The following TRIP4 variants were observed in gnomAD, a reference collection of about 807,000 sequenced individuals.
The protein encoded by TRIP4 is activating signal cointegrator 1.
A neutral mutation model predicts 81.8 loss-of-function variants in TRIP4; 54 were observed. The observed-to-expected ratio is 0.66, with a 90% confidence interval of 0.53 to 0.83. The LOEUF (loss-of-function observed/expected upper bound fraction) is 0.83. TRIP4 is among the 40% of genes least tolerant of loss of function. The probability of loss-of-function intolerance (pLI) is 0.00; values close to 1 mark genes in which losing one functional copy is unlikely to be tolerated. For missense variants in TRIP4, 662 were observed against 683.6 expected (o/e 0.97, Z 0.35); for synonymous variants, 270 against 242.8 (o/e 1.11, Z -1.04).
intron 7 of TRIP4, among the ~76,000 whole-genome samples, chr15:64,413,132 A>G (rs562883419): frequency 6.6e-6 from 1 of 152,260 alleles, no homozygotes; most frequent in South Asian, 2.1e-4. Flanking sequence ...GAATAACTGT[A>G]TAGGTTGTAT....
Position 64,424,069 on chromosome 15 carries a change from G to A in TRIP4, c.1397G>A (p.Arg466Gln), listed in dbSNP as rs1293072235. Residue 466 changes from arginine (R) to glutamine (Q), a missense_variant, in exon 10 of 13, where the codon CGA (arginine) becomes CAA (glutamine). Transcript: ENST00000261884. ...GRSWYTPHRGRLWIAATAKKP... is the reference protein window; with the variant it reads ...GRSWYTPHRGQLWIAATAKKP... ...TCCTGGTACACCCCCCACAGAGGAC[G>A]ACTTTGGATAGCAGCCACAGCTAAA... is the stretch of plus-strand genomic sequence containing the variant. The A allele has an allele frequency of 1.9e-6, 3 of 1,613,954 alleles. No individual in the cohort carries two copies. Among genetic ancestry groups the A allele is most frequent in the African/African-American group, 1.3e-5 (1 of 74,870 alleles).
intron 12 of TRIP4, among the ~76,000 whole-genome samples, chr15:64,451,222 C>T (rs1892750018): frequency 6.6e-6 from 1 of 152,004 alleles, no homozygotes; most frequent in African/African-American, 2.4e-5. Context: ...AAGCAATTCT[C>T]CTGCCTCAGC....
chr15:64,409,906 T>G, intron 7 of TRIP4, 78 bp downstream of exon 7: 2 of 1,273,308 alleles, frequency 1.6e-6, no homozygotes, highest in South Asian at 1.4e-5. Context: ...TAGTGGATCT[T>G]TTATTTTTGT....
rs1891719988 is a variant in TRIP4, at chr15:64,409,817, G to A, written c.1032G>A (p.Glu344=). 6.2e-7 allele frequency: 1 copy of A among 1,614,032 alleles called. No homozygotes were observed. Among genetic ancestry groups the A allele is most frequent in the East Asian group, 2.2e-5 (1 of 44,882 alleles). The change falls in exon 7 of 13, where the codon GAG becomes GAA. Residue 344 remains glutamate (E), a synonymous_variant. Coordinates refer to ENST00000261884, the MANE Select transcript of TRIP4 (RefSeq NM_016213.5). Reference sequence around the variant, plus strand: ...TGGAAGAAGAAAATTCACTAGCAGAGTATCATAGCAGGTAAGTGAGCAGCA... The same window carrying A: ...TGGAAGAAGAAAATTCACTAGCAGAATATCATAGCAGGTAAGTGAGCAGCA... The part of the protein sequence containing the change: ...KILEEENSLA[E]YHSRLDETIQ...
intron 1 of TRIP4, among the ~76,000 whole-genome samples, chr15:64,392,490 T>G (rs1476764701): frequency 5.3e-5 from 8 of 151,612 alleles, no homozygotes; most frequent in Non-Finnish European, 8.8e-5. Flanking sequence ...TTTTGGGGGG[T>G]GTGTGTATGT....
At position 64,402,305 on chromosome 15, in the gene TRIP4, C is replaced by G. The variant is rs147198667; in HGVS notation, c.697+1484C>G. ...TGGTGTGATCTCGGCTCACCGCAGCCTTCGCCTCCCAGGTTCAAGCGATTC... is the reference window on the plus strand; with the variant it reads ...TGGTGTGATCTCGGCTCACCGCAGCGTTCGCCTCCCAGGTTCAAGCGATTC... On this transcript the variant is annotated intron_variant, in intron 5 of 12. Coordinates refer to ENST00000261884, the MANE Select transcript of TRIP4 (RefSeq NM_016213.5). 9.0e-3 allele frequency among the ~76,000 whole-genome samples: 1,352 copies of G among 151,040 alleles called. 21 individuals are homozygous for G. Among genetic ancestry groups the G allele is most frequent in the African/African-American group, 0.032 (1,297 of 41,008 alleles).
chr15:64,394,422 G>T (rs561714593), intron 2 of TRIP4, among the ~76,000 whole-genome samples: 195 of 152,056 alleles, frequency 1.3e-3, no homozygotes, highest in Admixed American at 2.2e-3. Context: ...TGGCTAACAC[G>T]GTGAAACCCC....
At position 64,425,569 on chromosome 15, in the gene TRIP4, G is replaced by A. The variant is rs754914918; in HGVS notation, c.1513G>A (p.Gly505Ser). The A allele has an allele frequency of 3.1e-6, 5 of 1,612,790 alleles. No homozygotes were observed. Among genetic ancestry groups the A allele is most frequent in the Non-Finnish European group, 4.2e-6 (5 of 1,179,536 alleles). ...DVEFPNDYPS[G>S]CLLGCVDLID... ...GGAATTTCCTAATGACTATCCGTCA[G>A]GTTGTCTTCTGGGCTGTGTGGACCT... The change falls in exon 11 of 13, where the codon GGT (glycine) becomes AGT (serine). Residue 505 changes from glycine to serine, a missense_variant. Coordinates refer to ENST00000261884, the MANE Select transcript of TRIP4 (RefSeq NM_016213.5).
In TRIP4 at chr15:64,450,907, C is replaced by T. The variant is rs528636757; in HGVS notation, c.1679-4090C>T. ...AACGTAAAATAGGAATGTTCTCATT[C>T]AGTAAAGCTTTAAGAATGTGAAGAA... On this transcript the variant is annotated intron_variant, in intron 12 of 12. Coordinates refer to ENST00000261884, the MANE Select transcript of TRIP4 (RefSeq NM_016213.5). The T allele has an allele frequency of 1.8e-3, 469 of 262,286 alleles. 5 individuals carry two copies. Among genetic ancestry groups the T allele is most frequent in the South Asian group, 0.012 (295 of 25,214 alleles). 16.2% of individuals were successfully genotyped at this position (262,286 alleles called of 1,614,324 possible). A position where few individuals can be genotyped will look rare whatever the true frequency, so the allele number is the denominator to read the frequency against.
At chr15:64,410,983 AT>A (rs920536745) in intron 7 of TRIP4, among the ~76,000 whole-genome samples, 87 of 152,276 alleles carry the variant, frequency 5.7e-4, no homozygotes, top group African/African-American at 1.9e-3. Context: ...CAATATATCA[AT>A]TTTCTTTGGC....
intron 7 of TRIP4, among the ~76,000 whole-genome samples, chr15:64,412,782 A>T (rs1891797820): frequency 6.6e-6 from 1 of 152,180 alleles, no homozygotes; most frequent in Non-Finnish European, 1.5e-5. Context: ...ATAGAGTAGC[A>T]AGTACTGTAG....
At chr15:64,415,282 G>A (rs777694900) in intron 8 of TRIP4, among the ~76,000 whole-genome samples, 5 of 152,096 alleles carry the variant, frequency 3.3e-5, no homozygotes, top group Non-Finnish European at 7.4e-5. Flanking sequence ...ACATACAAAG[G>A]CTCAGCAGCG....
intron 3 of TRIP4, among the ~76,000 whole-genome samples, chr15:64,396,240 A>G (rs1314165761): frequency 6.9e-6 from 1 of 144,926 alleles, no homozygotes; most frequent in South Asian, 2.2e-4. Context: ...ATGGAGCTAA[A>G]TAGTGTGTAC....
Position 64,395,462 on chromosome 15 carries a change from A to T in TRIP4, c.336A>T (p.Arg112Ser). ...GGGGTAGGAAGAAAGGGAGAAACAG[A>T]CAGGAAGTTCCTGCATTTACTGAAC... ...LKRGRKKGRN[R>S]QEVPAFTEPD... Residue 112 changes from arginine (R) to serine (S), a missense_variant, in exon 3 of 13, where the codon AGA becomes AGT. Arg to Ser is a moderately radical substitution (Grantham distance 110, BLOSUM62 -1). Transcript: ENST00000261884. The T allele has an allele frequency of 6.2e-7, 1 of 1,613,978 alleles. No individual in the cohort carries two copies. Among genetic ancestry groups the T allele is most frequent in the South Asian group, 1.1e-5 (1 of 91,064 alleles).
chr15:64,420,123 CT>C lies in TRIP4; in HGVS notation c.1358+1410del, dbSNP rs756319494. On this transcript the variant is annotated intron_variant, in intron 9 of 12. Coordinates refer to ENST00000261884, the MANE Select transcript of TRIP4 (RefSeq NM_016213.5). Reference sequence around the variant, plus strand: ...GCCACTGTGCCTGGCTTCTTTCTTTCTTTTTTTTTTTTTTTGAGACGAAGTT... The same window carrying C: ...GCCACTGTGCCTGGCTTCTTTCTTTCTTTTTTTTTTTTTTGAGACGAAGTT... Among the ~76,000 whole-genome samples the C allele has an allele frequency of 4.0e-3, 543 of 135,784 alleles. 1 individual carries two copies. Among genetic ancestry groups the C allele is most frequent in the African/African-American group, 5.7e-3 (213 of 37,194 alleles). The allele number at this position is 135,784 out of a possible 152,430, so 89.1% of individuals were successfully genotyped here. A position where few individuals can be genotyped will look rare whatever the true frequency, so the allele number is the denominator to read the frequency against.
At chr15:64,438,477 A>G (rs1011784663) in intron 11 of TRIP4, among the ~76,000 whole-genome samples, 7 of 152,120 alleles carry the variant, frequency 4.6e-5, no homozygotes, top group Admixed American at 1.3e-4. Flanking sequence ...GCACCATCAC[A>G]TCTGGCTAAT....
intron 11 of TRIP4, among the ~76,000 whole-genome samples, chr15:64,430,028 G>A (rs1198791635): frequency 2.6e-5 from 4 of 151,816 alleles, no homozygotes; most frequent in Non-Finnish European, 4.4e-5. Context: ...ACTATTTTTG[G>A]CATAGTGTGA....
intron 11 of TRIP4, among the ~76,000 whole-genome samples, chr15:64,437,487 C>T (rs1017331511): frequency 2.1e-4 from 32 of 150,284 alleles, no homozygotes; most frequent in Non-Finnish European, 4.1e-4. Flanking sequence ...CATATGAAGT[C>T]GTGTTACTTT....
chr15:64,418,427 T>C, intron 8 of TRIP4, 114 bp from the exon 9 acceptor site: 1 of 1,209,690 alleles, frequency 8.3e-7, no homozygotes. Flanking sequence ...TATATTTTTC[T>C]AAGAAAAATG....
Sources: gnomAD v4.1 joint callset for allele counts (sites outside exome capture counted in the v4.1 genomes callset) on GRCh38, gnomAD v4.1.1 for gene constraint, MANE v1.5 for transcripts, NCBI Gene and HGNC (gene_info 2026-07-23, HGNC 2026-07-21) for gene names.